The following SIDT1 variants were observed in gnomAD, a reference collection of about 807,000 sequenced individuals.
The protein encoded by SIDT1 is SID1 transmembrane family member 1, also known as SID1 transmembrane family, member 1.
SIDT1 carries 101 observed loss-of-function variants against 107.5 expected under a neutral mutation model. That is an observed-to-expected ratio of 0.94 (90% CI 0.80 to 1.11). The LOEUF is 1.11. SIDT1 is among the 50% of genes least tolerant of loss of function. The probability of loss-of-function intolerance (pLI) is 0.00; values close to 1 mark genes in which losing one functional copy is unlikely to be tolerated. For missense variants in SIDT1, 1,076 were observed against 1,058.2 expected (o/e 1.02, Z -0.23); for synonymous variants, 395 against 398.2 (o/e 0.99, Z 0.10).
intron 23 of SIDT1, among the ~76,000 whole-genome samples, chr3:113,625,296 C>T (rs1320710979): frequency 1.3e-5 from 2 of 151,996 alleles, no homozygotes; most frequent in African/African-American, 2.4e-5. Context: ...ACCACCGTGC[C>T]CAGCTAATTT....
At position 113,626,231 on chromosome 3, in the gene SIDT1, T is replaced by A. The variant is rs772107932; in HGVS notation, c.2421+16T>A. The A allele has an allele frequency of 6.5e-7, 1 of 1,542,840 alleles. No homozygotes were observed. The highest frequency in any genetic ancestry group is 1.7e-5 in the Admixed American group (1 of 59,734). On this transcript the variant is annotated intron_variant, in intron 24 of 24. Transcript: ENST00000264852. ...CTCATTCTTGGTGAGTTCATATCTA[T>A]CTTTTTGTGACTTTCTTCTCTCTTT...
intron 1 of SIDT1, among the ~76,000 whole-genome samples, chr3:113,554,421 G>A (rs941201222): frequency 4.9e-4 from 75 of 152,150 alleles, no homozygotes; most frequent in Non-Finnish European, 6.9e-4. Flanking sequence ...GGGACCGATG[G>A]GAGGTAACTG....
intron 10 of SIDT1, among the ~76,000 whole-genome samples, chr3:113,601,105 G>A (rs1349543113): frequency 6.6e-6 from 1 of 152,162 alleles, no homozygotes; most frequent in Non-Finnish European, 1.5e-5. Flanking sequence ...TATAATTAAA[G>A]TTTAAGTCCA....
chr3:113,615,673 T>A (rs1466335417), intron 19 of SIDT1, among the ~76,000 whole-genome samples: 1 of 152,204 alleles, frequency 6.6e-6, no homozygotes, highest in East Asian at 1.9e-4. Context: ...AAATAACAGA[T>A]CTGAATCTTT....
Position 113,603,147 on chromosome 3 carries a change from C to A in SIDT1, c.1260C>A (p.Thr420=), listed in dbSNP as rs775998961. 5 of 1,613,310 alleles carry A rather than the reference C, an allele frequency of 3.1e-6. No homozygotes were observed. Among genetic ancestry groups the A allele is most frequent in the Non-Finnish European group, 3.4e-6 (4 of 1,179,582 alleles). The change falls in exon 12 of 25, where the codon ACC becomes ACA. Residue 420 remains threonine, a synonymous_variant. Transcript: ENST00000264852. ...AGAGTGATAAAAACATCATCCGGAC[C>A]AAGGTACCCACTCTGCCTCGCCGTA... ...DIESDKNIIR[T]KMFLYLSDLS... is the part of the protein sequence containing the mutation.
rs558884847 is a variant in SIDT1, at chr3:113,581,359, A to G, written c.664-2A>G. 1.9e-5 allele frequency: 30 copies of G among 1,612,896 alleles called. No individual in the cohort carries two copies. In the South Asian group the frequency reaches 2.9e-4, roughly 15 times the overall value. ...CCATTTTATTCCTCATGCATGCTGCAGTGCCCGGTGTATGATCTCGACCAC... is the reference window on the plus strand; with the variant it reads ...CCATTTTATTCCTCATGCATGCTGCGGTGCCCGGTGTATGATCTCGACCAC... On this transcript the variant is annotated splice_acceptor_variant, in intron 5 of 24. Transcript: ENST00000264852. LOFTEE classifies it high-confidence loss of function.
At chr3:113,567,239 A>T (rs994141155) in intron 2 of SIDT1, among the ~76,000 whole-genome samples, 2 of 152,200 alleles carry the variant, frequency 1.3e-5, no homozygotes, top group African/African-American at 2.4e-5. Context: ...CAGTTTCCCC[A>T]TCAAATTGGA....
chr3:113,592,097 A>T (rs571816578), intron 9 of SIDT1, among the ~76,000 whole-genome samples: 144 of 152,362 alleles, frequency 9.5e-4, no homozygotes, highest in African/African-American at 3.4e-3. Flanking sequence ...AGGCAAACTT[A>T]TAGAGACAGA....
chr3:113,571,065 G>T lies in SIDT1; in HGVS notation c.515+3355G>T, dbSNP rs1443031108. Among the ~76,000 whole-genome samples the T allele has an allele frequency of 4.6e-5, 7 of 152,260 alleles. 1 individual carries two copies. Among genetic ancestry groups the T allele is most frequent in the Admixed American group, 4.6e-4 (7 of 15,294 alleles). On this transcript the variant is annotated intron_variant, in intron 3 of 24. Coordinates refer to ENST00000264852, the MANE Select transcript of SIDT1 (RefSeq NM_017699.3). ...CTATTTCTACTTTCTAGTTAAAACT[G>T]TCCTCCCAATTGTTTGTGTTTCTCT...
chr3:113,571,827 TG>T (rs1282812663), intron 3 of SIDT1, among the ~76,000 whole-genome samples: 3 of 152,070 alleles, frequency 2.0e-5, no homozygotes, highest in Non-Finnish European at 2.9e-5. Context: ...CCCAGCTACC[TG>T]GGGGGCTGAG....
At chr3:113,599,253 C>G (rs1034382994) in intron 10 of SIDT1, among the ~76,000 whole-genome samples, 2 of 152,236 alleles carry the variant, frequency 1.3e-5, no homozygotes, top group Admixed American at 1.3e-4. Context: ...TTCCATGAGA[C>G]TCCCTGCAAT....
At chr3:113,569,558 C>A (rs1942256454) in intron 3 of SIDT1, among the ~76,000 whole-genome samples, 1 of 152,132 alleles carries the variant, frequency 6.6e-6, no homozygotes, top group African/African-American at 2.4e-5. Context: ...TCTCTACCCT[C>A]CTTGACATAG....
At chr3:113,580,516 G>A (rs571493385) in intron 4 of SIDT1, 92 bp from the exon 5 acceptor site, 8 of 746,990 alleles carry the variant, frequency 1.1e-5, no homozygotes, top group African/African-American at 1.0e-4. Flanking sequence ...GGAGATTCAC[G>A]GAGATTTACG....
chr3:113,569,485 A>C (rs532123537), intron 3 of SIDT1, among the ~76,000 whole-genome samples: 27 of 152,334 alleles, frequency 1.8e-4, no homozygotes, highest in African/African-American at 6.5e-4. Flanking sequence ...AATTTAAGGC[A>C]GTTTATAAAA....
chr3:113,534,239 A>G (rs1937837061), intron 1 of SIDT1, among the ~76,000 whole-genome samples: 1 of 117,832 alleles, frequency 8.5e-6, no homozygotes, highest in South Asian at 2.6e-4. Context: ...GGATACCATG[A>G]TATGCCTCCG....
downstream of SIDT1, among the ~76,000 whole-genome samples, chr3:113,631,976 G>A (rs2107895593): frequency 6.6e-6 from 1 of 152,154 alleles, no homozygotes; most frequent in East Asian, 1.9e-4. Flanking sequence ...TAAATTCCTT[G>A]GCTCTGTCCT....
intron 1 of SIDT1, among the ~76,000 whole-genome samples, chr3:113,543,012 G>A (rs1430555529): frequency 2.0e-5 from 3 of 151,358 alleles, no homozygotes; most frequent in Non-Finnish European, 2.9e-5. Context: ...CGCGATCTTG[G>A]CTCACTGCAA....
At chr3:113,583,190 A>G (rs9816095) in intron 6 of SIDT1, among the ~76,000 whole-genome samples, 41,725 of 151,906 alleles carry the variant, frequency 0.27, 6,272 homozygotes, top group East Asian at 0.59. Context: ...TCAGGAATGT[A>G]TATCTATTTA....
At chr3:113,626,851 CAATT>C (rs374395809) in intron 24 of SIDT1, among the ~76,000 whole-genome samples, 81 of 152,274 alleles carry the variant, frequency 5.3e-4, no homozygotes, top group African/African-American at 1.9e-3. Flanking sequence ...GTTCAATTGA[CAATT>C]AACAACCCTA....
Sources: allele counts gnomAD v4.1 joint callset (sites outside exome capture counted in the v4.1 genomes callset), GRCh38; gene constraint gnomAD v4.1.1; transcripts MANE v1.5; gene names NCBI Gene and HGNC (gene_info 2026-07-23, HGNC 2026-07-21).